CADM2: variants seen among roughly 807,000 people sequenced by gnomAD.
CADM2 encodes the protein immunoglobulin superfamily member 4D.
CADM2 carries 12 observed loss-of-function variants against 49.8 expected under a neutral mutation model. The observed-to-expected ratio is 0.24, with a 90% CI of 0.15 to 0.39. CADM2 has a LOEUF of 0.39. Among genes scored for constraint, CADM2 ranks in the 10% least tolerant of loss-of-function variants. The pLI is 1.00. For synonymous variants in CADM2, 214 were observed against 175.4 expected, an observed-to-expected ratio of 1.22 and a Z score of -1.74; for missense variants, 378 against 492.3, an observed-to-expected ratio of 0.77 and a Z score of 2.20.
rs868338183 is a variant in CADM2, at chr3:85,799,520, T to C, written c.89-2527T>C. 2.6e-5 allele frequency among the ~76,000 whole-genome samples: 4 copies of C among 152,206 alleles called. No individual in the cohort carries two copies. The South Asian group carries it at 6.2e-4, about 24-fold the overall frequency. ...CGTCAAAGGCCTTTTCTTTATCTATTGAGATAATCATGTGGTTTTTGTCAT... is the reference window on the plus strand; with the variant it reads ...CGTCAAAGGCCTTTTCTTTATCTATCGAGATAATCATGTGGTTTTTGTCAT... On this transcript the variant is annotated intron_variant, in intron 2 of 9. Transcript: ENST00000383699.
intron 1 of CADM2, among the ~76,000 whole-genome samples, chr3:85,664,997 G>A (rs1013959928): frequency 6.6e-6 from 1 of 151,782 alleles, no homozygotes; most frequent in African/African-American, 2.4e-5. Flanking sequence ...AAGAATTTTT[G>A]TCTATTTTGT....
intron 8 of CADM2, among the ~76,000 whole-genome samples, chr3:86,015,541 G>C (rs1396045108): frequency 1.3e-5 from 2 of 152,126 alleles, no homozygotes; most frequent in Non-Finnish European, 2.9e-5. Context: ...TGACTAATAG[G>C]AGTTTTAAGT....
At chr3:85,101,368 GT>G (rs747662077) in intron 1 of CADM2, among the ~76,000 whole-genome samples, 2 of 152,092 alleles carry the variant, frequency 1.3e-5, no homozygotes, top group Non-Finnish European at 2.9e-5. Context: ...GTGTCTAGTT[GT>G]TTTGTAATAC....
chr3:85,298,083 T>C (rs1050291688), intron 1 of CADM2, among the ~76,000 whole-genome samples: 1 of 152,068 alleles, frequency 6.6e-6, no homozygotes, highest in African/African-American at 2.4e-5. Flanking sequence ...AAAAATGAAC[T>C]CCTACATCCG....
At chr3:85,390,707 T>C (rs529816974) in intron 1 of CADM2, among the ~76,000 whole-genome samples, 30 of 152,216 alleles carry the variant, frequency 2.0e-4, no homozygotes, top group Admixed American at 5.2e-4. Flanking sequence ...TTTCAGTTCA[T>C]AGCCAACACA....
intron 1 of CADM2, among the ~76,000 whole-genome samples, chr3:85,469,399 A>C (rs186769840): frequency 1.3e-5 from 2 of 152,314 alleles, no homozygotes; most frequent in African/African-American, 4.8e-5. Context: ...GGGTGGGAAC[A>C]TAACAGAAAA....
chr3:85,826,772 T>A (rs929645983), intron 3 of CADM2, among the ~76,000 whole-genome samples: 2 of 152,012 alleles, frequency 1.3e-5, no homozygotes, highest in African/African-American at 4.8e-5. Context: ...TGAAAAAGAC[T>A]ATTAGCCCAC....
intron 1 of CADM2, among the ~76,000 whole-genome samples, chr3:85,028,947 C>G (rs78459071): frequency 0.74 from 110,853 of 149,892 alleles, 42,231 homozygotes; most frequent in African/African-American, 0.92. Flanking sequence ...ACTGTTTTAC[C>G]GAAATAAAAC....
chr3:85,574,793 C>T (rs537696581), intron 1 of CADM2, among the ~76,000 whole-genome samples: 2 of 152,068 alleles, frequency 1.3e-5, no homozygotes, highest in African/African-American at 4.8e-5. Context: ...TCTATCAGTG[C>T]GTTGAGAAAT....
intron 1 of CADM2, among the ~76,000 whole-genome samples, chr3:85,488,222 C>G (rs1325603325): frequency 6.6e-6 from 1 of 152,162 alleles, no homozygotes; most frequent in African/African-American, 2.4e-5. Context: ...ATTTGACTGT[C>G]AGGTGAGGGA....
intron 1 of CADM2, among the ~76,000 whole-genome samples, chr3:85,466,172 G>A (rs1488270386): frequency 2.0e-5 from 3 of 152,146 alleles, no homozygotes; most frequent in Non-Finnish European, 2.9e-5. Context: ...GCAGGTAGCA[G>A]TAGTTTTCTT....
At chr3:85,752,110 G>T (rs2068885002) in intron 2 of CADM2, among the ~76,000 whole-genome samples, 1 of 152,014 alleles carries the variant, frequency 6.6e-6, no homozygotes, top group Admixed American at 6.6e-5. Context: ...TGGTAACAGG[G>T]CAGCTACCAC....
At position 85,474,681 on chromosome 3, in the gene CADM2, A is replaced by T. The variant is rs1056577146; in HGVS notation, c.62-251841A>T. On this transcript the variant is annotated intron_variant, in intron 1 of 9. Transcript: ENST00000383699. ...TTATCTAGTGCCAGAATAAAATTTAAAACCTTGATTGTGTGAGTGTGTGTG... is the reference window on the plus strand; with the variant it reads ...TTATCTAGTGCCAGAATAAAATTTATAACCTTGATTGTGTGAGTGTGTGTG... Among the ~76,000 whole-genome samples the T allele has an allele frequency of 5.9e-5, 9 of 151,920 alleles. No individual in the cohort carries two copies. In the East Asian group the frequency reaches 1.2e-3, roughly 20 times the overall value.
intron 1 of CADM2, among the ~76,000 whole-genome samples, chr3:85,500,861 T>C (rs1232609823): frequency 1.3e-5 from 2 of 152,134 alleles, no homozygotes; most frequent in Non-Finnish European, 2.9e-5. Context: ...GTTGAGATTA[T>C]GTTTGCCATG....
intron 1 of CADM2, among the ~76,000 whole-genome samples, chr3:85,600,058 G>A (rs948537592): frequency 1.6e-4 from 25 of 151,884 alleles, no homozygotes; most frequent in African/African-American, 5.8e-4. Flanking sequence ...TTTAAGTTTT[G>A]GTGCAATTCC....
chr3:85,934,933 C>T (rs73843515), intron 6 of CADM2, among the ~76,000 whole-genome samples: 9,457 of 151,924 alleles, frequency 0.062, 787 homozygotes, highest in African/African-American at 0.19. Flanking sequence ...GACTGTGGGC[C>T]AGACAATGCC....
rs566916766 is a variant in CADM2, at chr3:85,761,922, A to T, written c.88+35374A>T. Among the ~76,000 whole-genome samples, 6 of 152,298 alleles carry T rather than the reference A, an allele frequency of 3.9e-5. No individual in the cohort carries two copies. In the South Asian group the frequency reaches 1.2e-3, roughly 32 times the overall value. Reference sequence around the variant, plus strand: ...GGGTCGTCCAACAGGTAGGGAAATGAGAGCCTCTGGCCTGAAGTGGAATGT... The same window carrying T: ...GGGTCGTCCAACAGGTAGGGAAATGTGAGCCTCTGGCCTGAAGTGGAATGT... On this transcript the variant is annotated intron_variant, in intron 2 of 9. Transcript: ENST00000383699.
intron 2 of CADM2, among the ~76,000 whole-genome samples, chr3:85,790,607 G>A (rs541624356): frequency 2.0e-5 from 3 of 152,174 alleles, no homozygotes; most frequent in Non-Finnish European, 4.4e-5. Flanking sequence ...GGGTACACAA[G>A]AGTTTCTGCT....
intron 3 of CADM2, among the ~76,000 whole-genome samples, chr3:85,842,989 CATAA>C (rs901149198): frequency 2.6e-5 from 4 of 151,912 alleles, no homozygotes; most frequent in Non-Finnish European, 5.9e-5. Flanking sequence ...AAAAGCAAAA[CATAA>C]ATAAATAATT....
Sources: allele counts gnomAD v4.1 joint callset (sites outside exome capture counted in the v4.1 genomes callset), GRCh38; gene constraint gnomAD v4.1.1; transcripts MANE v1.5; gene names NCBI Gene and HGNC (gene_info 2026-07-23, HGNC 2026-07-21).